Variants in FAM110B observed in about 807,000 individuals in gnomAD.
FAM110B encodes the protein protein FAM110B.
In FAM110B, 6 loss-of-function variants were observed where a neutral mutation model predicts 20.4. The observed-to-expected ratio is 0.29, with a 90% CI of 0.16 to 0.58. The LOEUF (loss-of-function observed/expected upper bound fraction) is 0.58, where lower values mean the gene tolerates loss of function less well. Among genes scored for constraint, FAM110B ranks in the 20% least tolerant of loss-of-function variants. The pLI, the probability that FAM110B is intolerant of heterozygous loss-of-function variation, is 0.90. For missense variants in FAM110B, 434 were observed against 498.2 expected (o/e 0.87, Z 1.23); for synonymous variants, 226 against 214.1 (o/e 1.06, Z -0.49).
In FAM110B at chr8:58,094,050, G is replaced by T. The variant is rs560301430; in HGVS notation, c.-325+18427G>T. On this transcript the variant is annotated intron_variant, in intron 3 of 3. Transcript: ENST00000519262. ...TCTCTCATGATTTGGCTCTCTGTTTGTCTATTATTGGTGTATAGGAATGCT... is the reference window on the plus strand; with the variant it reads ...TCTCTCATGATTTGGCTCTCTGTTTTTCTATTATTGGTGTATAGGAATGCT... Among the ~76,000 whole-genome samples, 3 of 152,234 alleles carry T rather than the reference G, an allele frequency of 2.0e-5. No individual in the cohort carries two copies. In the East Asian group the frequency reaches 5.8e-4, roughly 29 times the overall value.
intron 2 of FAM110B, among the ~76,000 whole-genome samples, chr8:58,049,069 T>C (rs749976835): frequency 1.7e-4 from 26 of 152,256 alleles, no homozygotes; most frequent in Non-Finnish European, 3.2e-4. Context: ...TATTTTCTTT[T>C]TTAATTACTC....
intron 3 of FAM110B, chr8:58,098,859 CA>C (rs2150609154): frequency 6.6e-6 from 1 of 152,444 alleles, no homozygotes; most frequent in East Asian, 1.9e-4. Flanking sequence ...GGTCTGCACC[CA>C]CTGTCTAACC....
At chr8:58,138,545 G>C (rs1383283014) in intron 3 of FAM110B, among the ~76,000 whole-genome samples, 1 of 152,086 alleles carries the variant, frequency 6.6e-6, no homozygotes, top group East Asian at 1.9e-4. Flanking sequence ...CTTGAATTCA[G>C]CCCCAGCCAG....
At chr8:58,107,097 A>C (rs1217058369) in intron 3 of FAM110B, among the ~76,000 whole-genome samples, 1 of 152,164 alleles carries the variant, frequency 6.6e-6, no homozygotes, top group Admixed American at 6.5e-5. Context: ...AAGTAGTCAA[A>C]CCACTACTGT....
At chr8:58,089,017 A>G (rs989199211) in intron 3 of FAM110B, among the ~76,000 whole-genome samples, 2 of 152,246 alleles carry the variant, frequency 1.3e-5, no homozygotes, top group Admixed American at 6.5e-5. Flanking sequence ...TGACGTTTTA[A>G]GATGACAATC....
chr8:58,056,099 A>T (rs1805542461), intron 2 of FAM110B, among the ~76,000 whole-genome samples: 1 of 152,136 alleles, frequency 6.6e-6, no homozygotes, highest in South Asian at 2.1e-4. Flanking sequence ...TCATTTGTTT[A>T]TGTGTTGACT....
At chr8:58,145,880 C>T (rs893453627) in intron 3 of FAM110B, 27 bp from the exon 4 acceptor site, 1 of 186,454 alleles carries the variant, frequency 5.4e-6, no homozygotes, top group African/African-American at 2.3e-5. Flanking sequence ...CCCCTCCTAA[C>T]CCGCGGTTGG....
intron 2 of FAM110B, chr8:58,070,464 A>T (rs188030621): frequency 6.6e-6 from 1 of 152,218 alleles, no homozygotes; most frequent in African/African-American, 2.4e-5. Flanking sequence ...TCATCTGTTT[A>T]ATCTGATCTT....
intron 3 of FAM110B, among the ~76,000 whole-genome samples, chr8:58,079,243 C>T (rs1011286403): frequency 6.6e-6 from 1 of 152,088 alleles, no homozygotes; most frequent in African/African-American, 2.4e-5. Flanking sequence ...CCCACTGTGC[C>T]GGGAGCCAGG....
intron 3 of FAM110B, among the ~76,000 whole-genome samples, chr8:58,098,737 G>A (rs915542090): frequency 1.3e-5 from 2 of 152,128 alleles, no homozygotes; most frequent in South Asian, 4.2e-4. Context: ...GTAGTATCTC[G>A]GCTGGAATGC....
chr8:58,040,900 AT>A (rs1414327112), intron 2 of FAM110B, among the ~76,000 whole-genome samples: 6 of 141,830 alleles, frequency 4.2e-5, no homozygotes, highest in Admixed American at 2.8e-4. Flanking sequence ...ATAAATGTAC[AT>A]TTTTTTAAAA....
intron 2 of FAM110B, among the ~76,000 whole-genome samples, chr8:58,053,780 C>T (rs893453019): frequency 2.0e-5 from 3 of 152,186 alleles, no homozygotes; most frequent in Admixed American, 1.3e-4. Context: ...TTTCTATTCC[C>T]TTCTAGAACT....
At chr8:58,102,588 G>C (rs943555848) in intron 3 of FAM110B, among the ~76,000 whole-genome samples, 11 of 152,280 alleles carry the variant, frequency 7.2e-5, no homozygotes, top group African/African-American at 2.4e-4. Flanking sequence ...CTTTTGTTGC[G>C]TAAATGAATT....
At chr8:58,053,581 G>A (rs918659814) in intron 2 of FAM110B, among the ~76,000 whole-genome samples, 2 of 152,164 alleles carry the variant, frequency 1.3e-5, no homozygotes, top group Non-Finnish European at 2.9e-5. Flanking sequence ...ATGTGAATGA[G>A]GAGGTCATTA....
chr8:58,099,306 G>A (rs565134356), intron 3 of FAM110B, among the ~76,000 whole-genome samples: 2 of 151,700 alleles, frequency 1.3e-5, no homozygotes, highest in East Asian at 1.9e-4. Context: ...CCCAAATGCC[G>A]CTCAAAGGCA....
chr8:58,139,790 C>A (rs1325691642), intron 3 of FAM110B, among the ~76,000 whole-genome samples: 2 of 152,030 alleles, frequency 1.3e-5, no homozygotes, highest in Non-Finnish European at 2.9e-5. Context: ...ATTAGCTGGG[C>A]ATGGTGGCAG....
chr8:58,059,173 T>C (rs1271053023), intron 2 of FAM110B, among the ~76,000 whole-genome samples: 2 of 152,198 alleles, frequency 1.3e-5, no homozygotes. Context: ...CCATAATTTG[T>C]TTATCTGTTC....
chr8:58,091,898 C>A (rs1382001422), intron 3 of FAM110B, among the ~76,000 whole-genome samples: 1 of 152,102 alleles, frequency 6.6e-6, no homozygotes, highest in Non-Finnish European at 1.5e-5. Context: ...AACGTTAACT[C>A]CATACCAGTT....
intron 1 of FAM110B, among the ~76,000 whole-genome samples, chr8:58,004,876 A>G (rs146891202): frequency 3.2e-4 from 48 of 152,354 alleles, no homozygotes; most frequent in African/African-American, 1.1e-3. Context: ...ACTTACGGGA[A>G]TATTGTGGCT....
Sources: gnomAD v4.1 joint callset for allele counts (sites outside exome capture counted in the v4.1 genomes callset) on GRCh38, gnomAD v4.1.1 for gene constraint, MANE v1.5 for transcripts, NCBI Gene and HGNC (gene_info 2026-07-23, HGNC 2026-07-21) for gene names.